The following DTWD2 variants were observed in gnomAD, a reference collection of about 807,000 sequenced individuals.
DTWD2 encodes tRNA-uridine aminocarboxypropyltransferase 2.
DTWD2 carries 39 observed loss-of-function variants against 31.8 expected under a neutral mutation model. The observed-to-expected ratio is 1.22, with a 90% CI of 0.95 to 1.60. The LOEUF is 1.60. Ranked by LOEUF, DTWD2 falls within the 40% of genes most tolerant of loss-of-function variation. The pLI is 0.00. For missense variants in DTWD2, 515 were observed against 381.5 expected (o/e 1.35, Z -2.92); for synonymous variants, 180 against 142.8 (o/e 1.26, Z -1.86).
intron 1 of DTWD2, among the ~76,000 whole-genome samples, chr5:118,982,748 G>A (rs1265350330): frequency 6.7e-6 from 1 of 148,934 alleles, no homozygotes; most frequent in African/African-American, 2.5e-5. Flanking sequence ...GAGTGCAGTG[G>A]AGCAATCTTG....
intron 4 of DTWD2, among the ~76,000 whole-genome samples, chr5:118,884,103 T>C (rs1752802571): frequency 1.3e-5 from 2 of 152,216 alleles, no homozygotes; most frequent in Non-Finnish European, 2.9e-5. Flanking sequence ...ACATTTCTCA[T>C]CTCTGTTTAA....
chr5:118,956,304 T>C (rs1016513214), intron 1 of DTWD2, among the ~76,000 whole-genome samples: 4 of 152,252 alleles, frequency 2.6e-5, no homozygotes, highest in Non-Finnish European at 5.9e-5. Context: ...ACCCAATTAA[T>C]GTAATTACAT....
chr5:118,957,695 G>A (rs1264516151), intron 1 of DTWD2, among the ~76,000 whole-genome samples: 1 of 152,192 alleles, frequency 6.6e-6, no homozygotes, highest in Non-Finnish European at 1.5e-5. Context: ...CTTTAGATGA[G>A]AGTTTCAGAG....
chr5:118,987,002 CATAAA>C (rs1273068409), intron 1 of DTWD2, among the ~76,000 whole-genome samples: 4 of 152,220 alleles, frequency 2.6e-5, no homozygotes, highest in South Asian at 2.1e-4. Context: ...AAAAAAGCAT[CATAAA>C]ATAAATCTCT....
chr5:118,954,053 T>A (rs936856007), intron 1 of DTWD2, among the ~76,000 whole-genome samples: 2 of 152,176 alleles, frequency 1.3e-5, no homozygotes, highest in Non-Finnish European at 2.9e-5. Context: ...AAAGGATCAC[T>A]TGAGCACAGG....
At chr5:118,938,545 C>A (rs1754095973) in intron 3 of DTWD2, among the ~76,000 whole-genome samples, 1 of 152,016 alleles carries the variant, frequency 6.6e-6, no homozygotes, top group Non-Finnish European at 1.5e-5. Flanking sequence ...ATTTAAAATT[C>A]ATCAGCAAAT....
intron 5 of DTWD2, among the ~76,000 whole-genome samples, chr5:118,843,314 G>C (rs1342588741): frequency 2.0e-5 from 3 of 151,732 alleles, no homozygotes; most frequent in African/African-American, 7.3e-5. Context: ...GGAAAGGGAA[G>C]GGAAAAGGAA....
chr5:118,880,814 A>T (rs748096925), intron 4 of DTWD2, among the ~76,000 whole-genome samples: 7 of 152,192 alleles, frequency 4.6e-5, no homozygotes, highest in Non-Finnish European at 8.8e-5. Flanking sequence ...ATGAACCAAG[A>T]CCTTAAGCTC....
At chr5:118,970,946 C>T (rs907079974) in intron 1 of DTWD2, among the ~76,000 whole-genome samples, 8 of 152,160 alleles carry the variant, frequency 5.3e-5, no homozygotes, top group Non-Finnish European at 1.0e-4. Context: ...TGAGGGACTT[C>T]GTCACCACCA....
intron 4 of DTWD2, among the ~76,000 whole-genome samples, chr5:118,919,039 T>C (rs1753643642): frequency 6.6e-6 from 1 of 152,210 alleles, no homozygotes; most frequent in South Asian, 2.1e-4. Context: ...GTCTGATGCC[T>C]AGCTGCAAGA....
At chr5:118,898,774 C>T (rs1263129527) in intron 4 of DTWD2, among the ~76,000 whole-genome samples, 1 of 151,914 alleles carries the variant, frequency 6.6e-6, no homozygotes, top group Non-Finnish European at 1.5e-5. Context: ...AAAATTGGCA[C>T]CCTAGAACAG....
intron 1 of DTWD2, among the ~76,000 whole-genome samples, chr5:118,973,569 G>C (rs1279065877): frequency 6.6e-6 from 1 of 150,440 alleles, no homozygotes; most frequent in Non-Finnish European, 1.5e-5. Context: ...ATTCCCACTG[G>C]CTGCTCTGAA....
rs751903855 is a variant in DTWD2 at position 118,900,279 on chromosome 5, C to T, written c.597+28258G>A. ...GGGGTTATTACAGACAGTGTTAATA[C>T]GAATAGTGTTAATAACTTGCTAGCT... is the stretch of plus-strand genomic sequence containing the variant. On this transcript the variant is annotated intron_variant, in intron 4 of 5. Coordinates refer to ENST00000510708, the MANE Select transcript of DTWD2 (RefSeq NM_173666.4). Among the ~76,000 whole-genome samples, 7 of 152,196 alleles carry T rather than the reference C, an allele frequency of 4.6e-5. No homozygotes were observed. In the South Asian group the frequency reaches 8.3e-4, roughly 18 times the overall value.
intron 1 of DTWD2, among the ~76,000 whole-genome samples, chr5:118,987,913 C>G (rs1755464302): frequency 6.6e-6 from 1 of 152,164 alleles, no homozygotes; most frequent in Non-Finnish European, 1.5e-5. Flanking sequence ...CTCTCTCCTC[C>G]AATCCACTTT....
intron 4 of DTWD2, among the ~76,000 whole-genome samples, chr5:118,921,699 G>A (rs1753708346): frequency 6.6e-6 from 1 of 152,052 alleles, no homozygotes; most frequent in African/African-American, 2.4e-5. Flanking sequence ...CATATTTCCT[G>A]GAAAATACAG....
intron 1 of DTWD2, among the ~76,000 whole-genome samples, chr5:118,977,776 C>G (rs1755199312): frequency 6.6e-6 from 1 of 152,124 alleles, no homozygotes; most frequent in Non-Finnish European, 1.5e-5. Flanking sequence ...TTTATAGATT[C>G]AATGCTATTC....
At chr5:118,883,279 T>C (rs1180963044) in intron 4 of DTWD2, among the ~76,000 whole-genome samples, 1 of 152,216 alleles carries the variant, frequency 6.6e-6, no homozygotes, top group African/African-American at 2.4e-5. Context: ...TGGACTTCAT[T>C]GTCTATTTCA....
chr5:118,882,594 T>G (rs1752765972), intron 4 of DTWD2, among the ~76,000 whole-genome samples: 1 of 152,084 alleles, frequency 6.6e-6, no homozygotes, highest in Non-Finnish European at 1.5e-5. Context: ...TTTCCATACA[T>G]CCTTTGAAAT....
intron 1 of DTWD2, among the ~76,000 whole-genome samples, chr5:118,978,179 A>C (rs1239738844): frequency 2.0e-5 from 3 of 152,132 alleles, no homozygotes; most frequent in Non-Finnish European, 4.4e-5. Flanking sequence ...ATGCAGCAGA[A>C]AGTTGAAACT....
Sources: gnomAD v4.1 joint callset for allele counts (sites outside exome capture counted in the v4.1 genomes callset) on GRCh38, gnomAD v4.1.1 for gene constraint, MANE v1.5 for transcripts, NCBI Gene and HGNC (gene_info 2026-07-23, HGNC 2026-07-21) for gene names.